Variants in DPYSL5 observed in about 807,000 individuals in gnomAD.
DPYSL5 encodes the protein dihydropyrimidinase-related protein 5.
Under a neutral mutation model 58.4 loss-of-function variants are expected in DPYSL5, and 9 were observed. That is an observed-to-expected ratio of 0.15 (90% confidence interval 0.09 to 0.27). The LOEUF (loss-of-function observed/expected upper bound fraction) is 0.27, where lower values mean the gene tolerates loss of function less well. Among genes scored for constraint, DPYSL5 ranks in the 10% least tolerant of loss-of-function variants. DPYSL5 has a pLI of 1.00. For synonymous variants in DPYSL5, 293 were observed against 301.9 expected, an observed-to-expected ratio of 0.97 and a Z score of 0.31; for missense variants, 499 against 770.6, an observed-to-expected ratio of 0.65 and a Z score of 4.17.
rs1230933353 is a variant in DPYSL5 at position 26,882,330 on chromosome 2, C to T, written c.-4-16166C>T. Among the ~76,000 whole-genome samples, 4 of 152,160 alleles carry T rather than the reference C, an allele frequency of 2.6e-5. No homozygotes were observed. The East Asian group carries it at 5.8e-4, about 22-fold the overall frequency. ...GCATGATCACAGCTCACTGCAGTCC[C>T]GACCTCCTTGGCTCAAGCAATCCTC... On this transcript the variant is annotated intron_variant, in intron 1 of 12. Coordinates refer to ENST00000288699, the MANE Select transcript of DPYSL5 (RefSeq NM_020134.4).
intron 1 of DPYSL5, among the ~76,000 whole-genome samples, chr2:26,850,808 G>T (rs1665731936): frequency 6.6e-6 from 1 of 152,176 alleles, no homozygotes; most frequent in South Asian, 2.1e-4. Context: ...TGGCCATAGG[G>T]AGTCAGCAGT....
chr2:26,925,112 G>T lies in DPYSL5; in HGVS notation c.420+67G>T. ...CTTGTAGGCAGAGGGGCTGGTTGGG[G>T]TGCAGTGCCTCCTGCTTGTGTGGGG... On this transcript the variant is annotated intron_variant, in intron 3 of 12. Transcript: ENST00000288699. This position sits in a 1 kb window ranked among gnomAD's most constrained non-coding sequence, Gnocchi z 4.5. The T allele has an allele frequency of 6.4e-7, 1 of 1,567,742 alleles. No individual in the cohort carries two copies. The highest frequency in any genetic ancestry group is 8.7e-7 in the Non-Finnish European group (1 of 1,153,804).
At chr2:26,895,189 T>C (rs1055468318) in intron 1 of DPYSL5, among the ~76,000 whole-genome samples, 5 of 152,232 alleles carry the variant, frequency 3.3e-5, no homozygotes, top group African/African-American at 4.8e-5. Flanking sequence ...GACTTTATTC[T>C]TCTTTGTGGA....
chr2:26,872,559 G>A (rs907622110), intron 1 of DPYSL5, among the ~76,000 whole-genome samples: 5 of 152,088 alleles, frequency 3.3e-5, no homozygotes, highest in African/African-American at 7.2e-5. Context: ...GTGTGGTGGT[G>A]CGTGCCTGTA....
chr2:26,879,888 TTTG>T (rs113198755), intron 1 of DPYSL5, among the ~76,000 whole-genome samples: 12 of 151,644 alleles, frequency 7.9e-5, no homozygotes, highest in South Asian at 2.1e-4. Context: ...CTGCCACTCG[TTTG>T]TTGTTGTTGT....
At chr2:26,902,118 G>A (rs767741136) in intron 2 of DPYSL5, among the ~76,000 whole-genome samples, 2 of 152,098 alleles carry the variant, frequency 1.3e-5, no homozygotes, top group Non-Finnish European at 2.9e-5. Flanking sequence ...CCACCTGCTG[G>A]CTAACAATAC....
chr2:26,861,724 G>A (rs1666022664), intron 1 of DPYSL5, among the ~76,000 whole-genome samples: 2 of 152,160 alleles, frequency 1.3e-5, no homozygotes, highest in South Asian at 4.1e-4. Context: ...AGGACGTGAA[G>A]ACAGATTCAT....
At position 26,946,927 on chromosome 2, in the gene DPYSL5, C is replaced by G. The variant is rs760325483; in HGVS notation, c.1627C>G (p.His543Asp). Residue 543 changes from histidine (H) to aspartate (D), a missense_variant, in exon 13 of 13, where the codon CAT (histidine) becomes GAT (aspartate). Transcript: ENST00000288699. ...FSLSGSQIDD[H>D]VPKRASARIL... ...CCCTGCAGGCTCTCAGATCGATGACCATGTTCCAAAGCGAGCTTCAGCTCG... is the reference window on the plus strand; with the variant it reads ...CCCTGCAGGCTCTCAGATCGATGACGATGTTCCAAAGCGAGCTTCAGCTCG... 6.2e-7 allele frequency: 1 copy of G among 1,614,146 alleles called. No homozygotes were observed.
chr2:26,946,834 C>G, intron 12 of DPYSL5, 76 bp from the exon 13 acceptor site: 1 of 1,139,056 alleles, frequency 8.8e-7, no homozygotes, highest in Non-Finnish European at 1.3e-6. Context: ...ACACAGTGAG[C>G]CTCCAGGAGA....
intron 1 of DPYSL5, among the ~76,000 whole-genome samples, chr2:26,850,884 T>C (rs560021415): frequency 6.6e-6 from 1 of 152,314 alleles, no homozygotes; most frequent in African/African-American, 2.4e-5. Flanking sequence ...TTTACAAAAC[T>C]GATCTGGAAG....
intron 1 of DPYSL5, among the ~76,000 whole-genome samples, chr2:26,886,180 G>C (rs955745381): frequency 6.6e-6 from 1 of 152,214 alleles, no homozygotes; most frequent in Non-Finnish European, 1.5e-5. Flanking sequence ...GGTAAAGTTT[G>C]ATTGGATGTC....
At chr2:26,894,209 GC>G (rs1268809860) in intron 1 of DPYSL5, among the ~76,000 whole-genome samples, 2 of 151,866 alleles carry the variant, frequency 1.3e-5, no homozygotes, top group Non-Finnish European at 2.9e-5. Context: ...TATCTGAGTT[GC>G]CCTCAGCACT....
At position 26,948,142 on chromosome 2, in the gene DPYSL5, CAG is replaced by C. The variant is rs1665539337; in HGVS notation, c.*1151_*1152del. 1 of 152,724 alleles carries C rather than the reference CAG, an allele frequency of 6.5e-6. No homozygotes were observed. Among genetic ancestry groups the C allele is most frequent in the Non-Finnish European group, 1.4e-5 (1 of 69,096 alleles). The allele number at this position is 152,724 out of a possible 1,614,324, so 9.5% of individuals were successfully genotyped here. A position where few individuals can be genotyped will look rare whatever the true frequency, so the allele number is the denominator to read the frequency against. On this transcript the variant is annotated 3_prime_UTR_variant, in exon 13 of 13. Coordinates refer to ENST00000288699, the MANE Select transcript of DPYSL5 (RefSeq NM_020134.4). ...CTTCCTATAACTTCTTCCTGCTGGA[CAG>C]AGACTCAGCGCTCCTCCTGTGTGAC...
In DPYSL5 at chr2:26,924,028, G is replaced by A. The variant is rs148444089; in HGVS notation, c.262-859G>A. On this transcript the variant is annotated intron_variant, in intron 2 of 12. Transcript: ENST00000288699. This position sits in a 1 kb window ranked among gnomAD's most constrained non-coding sequence, Gnocchi z 4.7. Reference sequence around the variant, plus strand: ...CATTAGCCTGAAATAGCCTTTGATCGATGCTAGTTTTGGAACTTCACAGAA... The same window carrying A: ...CATTAGCCTGAAATAGCCTTTGATCAATGCTAGTTTTGGAACTTCACAGAA... 2.6e-5 allele frequency among the ~76,000 whole-genome samples: 4 copies of A among 152,256 alleles called. No individual in the cohort carries two copies. Among genetic ancestry groups the A allele is most frequent in the East Asian group, 1.9e-4 (1 of 5,188 alleles).
chr2:26,941,333 T>C (rs987936879), intron 9 of DPYSL5, among the ~76,000 whole-genome samples: 3 of 152,220 alleles, frequency 2.0e-5, no homozygotes, highest in Non-Finnish European at 4.4e-5. Context: ...CTTGATTTGA[T>C]ATATTTTGTC....
intron 2 of DPYSL5, among the ~76,000 whole-genome samples, chr2:26,899,058 G>A (rs1413652218): frequency 6.6e-6 from 1 of 152,196 alleles, no homozygotes; most frequent in Non-Finnish European, 1.5e-5. Context: ...TACAAACCTA[G>A]AGGAAGAGAA....
chr2:26,912,788 A>G (rs1456454120), intron 2 of DPYSL5, among the ~76,000 whole-genome samples: 1 of 152,244 alleles, frequency 6.6e-6, no homozygotes, highest in Non-Finnish European at 1.5e-5. Context: ...TCATCATTTT[A>G]CATGTTGGCA....
chr2:26,934,469 C>T lies in DPYSL5; in HGVS notation c.791-109C>T. On this transcript the variant is annotated intron_variant, in intron 7 of 12. Coordinates refer to ENST00000288699, the MANE Select transcript of DPYSL5 (RefSeq NM_020134.4). The surrounding 1 kb of genome is among the most constrained non-coding windows in gnomAD (Gnocchi z 4.3). ...AAGCCCTGTGAGCTTGGGCAGGTCC[C>T]TTCCTGTCTCTGACCTCAGCTCCTT... is the stretch of plus-strand genomic sequence containing the variant. The T allele has an allele frequency of 7.3e-7, 1 of 1,377,062 alleles. No homozygotes were observed. Among genetic ancestry groups the T allele is most frequent in the Non-Finnish European group, 9.9e-7 (1 of 1,014,970 alleles). 85.3% of individuals were successfully genotyped at this position (1,377,062 alleles called of 1,614,324 possible). A position where few individuals can be genotyped will look rare whatever the true frequency, so the allele number is the denominator to read the frequency against.
At chr2:26,851,273 C>G (rs1196999611) in intron 1 of DPYSL5, among the ~76,000 whole-genome samples, 1 of 51,950 alleles carries the variant, frequency 1.9e-5, no homozygotes, top group African/African-American at 1.7e-4. Context: ...CTGTGAACAT[C>G]CATTGCAGTC....
Sources: allele counts gnomAD v4.1 joint callset (sites outside exome capture counted in the v4.1 genomes callset), GRCh38; gene constraint gnomAD v4.1.1; non-coding constraint Gnocchi (gnomAD v3.1); transcripts MANE v1.5; gene names NCBI Gene and HGNC (gene_info 2026-07-23, HGNC 2026-07-21).